AGPS: variants seen among roughly 807,000 people sequenced by gnomAD.
AGPS encodes the protein alkylglycerone phosphate synthase.
AGPS carries 26 observed loss-of-function variants against 90.7 expected under a neutral mutation model. That is an observed-to-expected ratio of 0.29 (90% CI 0.21 to 0.40). The LOEUF is 0.40. AGPS is among the 10% of genes least tolerant of loss of function. The pLI, the probability that AGPS is intolerant of heterozygous loss-of-function variation, is 1.00. For missense variants in AGPS, 540 were observed against 816.1 expected (o/e 0.66, Z 4.12); for synonymous variants, 294 against 285.3 (o/e 1.03, Z -0.31).
chr2:177,459,999 G>C (rs1015564615), intron 8 of AGPS, among the ~76,000 whole-genome samples: 1 of 152,206 alleles, frequency 6.6e-6, no homozygotes, highest in Non-Finnish European at 1.5e-5. Context: ...AAAAGGATGA[G>C]TTCATGTCCT....
At chr2:177,453,375 G>A (rs1687010473) in intron 8 of AGPS, among the ~76,000 whole-genome samples, 2 of 151,388 alleles carry the variant, frequency 1.3e-5, no homozygotes, top group African/African-American at 4.9e-5. Flanking sequence ...AGGTTCAAGC[G>A]ATTCTCCTGC....
intron 15 of AGPS, 126 bp downstream of exon 15, chr2:177,505,701 AT>A: frequency 1.2e-6 from 1 of 812,394 alleles, no homozygotes; most frequent in Non-Finnish European, 2.0e-6. Context: ...TTAGCATATC[AT>A]TTTACATGAA....
Position 177,540,862 on chromosome 2 carries a change from G to C in AGPS, c.*2667G>C, listed in dbSNP as rs571741614. On this transcript the variant is annotated 3_prime_UTR_variant, in exon 20 of 20. Transcript: ENST00000264167. ...AATACTAAAGACTCAATATGAACAG[G>C]CTTTATAGACCCTTAGAGAAACTGT... 7.9e-5 allele frequency: 12 copies of C among 152,098 alleles called. No homozygotes were observed. The South Asian group carries it at 8.3e-4, about 11-fold the overall frequency. The allele number at this position is 152,098 out of a possible 1,614,324, so 9.4% of individuals were successfully genotyped here.
chr2:177,443,771 T>C (rs1686684074), intron 7 of AGPS, among the ~76,000 whole-genome samples: 1 of 152,212 alleles, frequency 6.6e-6, no homozygotes, highest in Non-Finnish European at 1.5e-5. Context: ...AGAAGATAGC[T>C]GAAGAATAGC....
At position 177,493,349 on chromosome 2, in the gene AGPS, A is replaced by T; in HGVS notation, c.1285+150A>T. 4.0e-6 allele frequency: 3 copies of T among 741,574 alleles called. No individual in the cohort carries two copies. In the South Asian group the frequency reaches 4.4e-5, roughly 11 times the overall value. 45.9% of individuals were successfully genotyped at this position (741,574 alleles called of 1,614,324 possible). On this transcript the variant is annotated intron_variant, in intron 12 of 19. Coordinates refer to ENST00000264167, the MANE Select transcript of AGPS (RefSeq NM_003659.4). ...CTAATGAAGATAGACAATTACATAA[A>T]TGAGTGAGGGTAGCAGTGTTGGAGG...
At chr2:177,537,949 C>CA in intron 19 of AGPS, 125 bp from the exon 20 acceptor site, 1 of 1,372,882 alleles carries the variant, frequency 7.3e-7, no homozygotes, top group South Asian at 1.2e-5. Context: ...TCAAATAAAG[C>CA]AAAACATTTC....
intron 1 of AGPS, among the ~76,000 whole-genome samples, chr2:177,399,279 T>C (rs553916350): frequency 6.6e-6 from 1 of 152,356 alleles, no homozygotes; most frequent in East Asian, 1.9e-4. Flanking sequence ...TCTGCTGTTA[T>C]TCCGATTAGT....
intron 6 of AGPS, chr2:177,441,382 A>G (rs1346662622): frequency 4.8e-6 from 1 of 208,642 alleles, no homozygotes; most frequent in African/African-American, 2.4e-5. Flanking sequence ...TATGTCCTAT[A>G]TAAACCTTTG....
intron 14 of AGPS, 151 bp from the exon 15 acceptor site, chr2:177,505,355 A>T (rs1338533578): frequency 1.4e-6 from 1 of 703,510 alleles, no homozygotes; most frequent in Non-Finnish European, 2.4e-6. Flanking sequence ...TATTTCGTGG[A>T]TAAAAGTTTG....
intron 16 of AGPS, among the ~76,000 whole-genome samples, chr2:177,512,218 TAAAG>T (rs893531978): frequency 2.0e-5 from 3 of 151,974 alleles, no homozygotes; most frequent in African/African-American, 7.2e-5. Context: ...ATATTCAAAA[TAAAG>T]ACATATTAAA....
Position 177,414,938 on chromosome 2 carries a change from A to G in AGPS, c.261-5331A>G, listed in dbSNP as rs372116782. On this transcript the variant is annotated intron_variant, in intron 1 of 19. Coordinates refer to ENST00000264167, the MANE Select transcript of AGPS (RefSeq NM_003659.4). ...TGTGTGTGTATAATGTATATAATAT[A>G]CATATATGATGAATGCATTATAAAT... Among the ~76,000 whole-genome samples the G allele has an allele frequency of 4.2e-5, 6 of 141,934 alleles. No individual in the cohort carries two copies. In the East Asian group the frequency reaches 1.2e-3, roughly 28 times the overall value. The allele number at this position is 141,934 out of a possible 152,430, so 93.1% of individuals were successfully genotyped here. A position where few individuals can be genotyped will look rare whatever the true frequency, so the allele number is the denominator to read the frequency against.
rs993306315 is a variant in AGPS at position 177,513,839 on chromosome 2, A to G, written c.1628A>G (p.Asn543Ser). 7 of 1,612,546 alleles carry G rather than the reference A, an allele frequency of 4.3e-6. No homozygotes were observed. In the African/African-American group the frequency reaches 9.4e-5, roughly 22 times the overall value. Residue 543 changes from asparagine (N) to serine (S), a missense_variant, in exon 17 of 20, where the codon AAT becomes AGT. Asn to Ser is a conservative substitution (Grantham distance 46). Around this residue, in one of 2 missense-constraint regions of AGPS, gnomAD observed 405 missense variants for 692.1 expected, o/e 0.59. Coordinates refer to ENST00000264167, the MANE Select transcript of AGPS (RefSeq NM_003659.4). ...PWDRVVDLCR[N>S]VKERITRECK... ...TTTAGGGTGGTAGATCTCTGTAGAA[A>G]TGTAAAAGAAAGAATAACAAGGGAA... is the stretch of plus-strand genomic sequence containing the variant.
intron 15 of AGPS, among the ~76,000 whole-genome samples, chr2:177,507,039 C>G (rs889985842): frequency 1.3e-4 from 20 of 151,302 alleles, no homozygotes; most frequent in African/African-American, 4.6e-4. Context: ...ATTCCGCCCC[C>G]CCTACCCCGG....
chr2:177,443,410 T>A (rs1686672487), intron 7 of AGPS, among the ~76,000 whole-genome samples: 1 of 152,222 alleles, frequency 6.6e-6, no homozygotes, highest in Non-Finnish European at 1.5e-5. Context: ...CAAGGTTATT[T>A]GTAGTATAGA....
At chr2:177,528,028 T>A (rs2079105098) in intron 19 of AGPS, among the ~76,000 whole-genome samples, 1 of 152,220 alleles carries the variant, frequency 6.6e-6, no homozygotes, top group Non-Finnish European at 1.5e-5. Flanking sequence ...CTTTCCCTTT[T>A]CTATTTTTTT....
intron 8 of AGPS, among the ~76,000 whole-genome samples, chr2:177,448,470 C>T (rs1202194208): frequency 1.3e-5 from 2 of 152,130 alleles, no homozygotes; most frequent in Non-Finnish European, 2.9e-5. Context: ...TAATTGATAT[C>T]TCCACTTGCG....
intron 8 of AGPS, among the ~76,000 whole-genome samples, chr2:177,453,140 A>G (rs1383813418): frequency 6.6e-6 from 1 of 151,922 alleles, no homozygotes; most frequent in Non-Finnish European, 1.5e-5. Context: ...ATAATTGTAG[A>G]TTGATATTCT....
At position 177,499,674 on chromosome 2, in the gene AGPS, T is replaced by A; in HGVS notation, c.1419T>A (p.Asp473Glu). 1.9e-6 allele frequency: 3 copies of A among 1,612,322 alleles called. No individual in the cohort carries two copies. The South Asian group carries it at 3.3e-5, about 18-fold the overall frequency. ...TAGCCACATTACTGTTTGAGGGGGA[T>A]CGTGAGAAGGTTCTTCAACATGAAA... ...LSVATLLFEG[D>E]REKVLQHEKQ... Residue 473 changes from aspartate to glutamate, a missense_variant, in exon 14 of 20, where the codon GAT becomes GAA. Asp to Glu is a conservative substitution (Grantham distance 45). Transcript: ENST00000264167.
intron 15 of AGPS, among the ~76,000 whole-genome samples, chr2:177,507,506 A>C (rs1006708782): frequency 1.2e-4 from 18 of 152,150 alleles, no homozygotes; most frequent in South Asian, 2.1e-4. Context: ...TTTTAAAGAA[A>C]AGTTGATTTT....
Sources: gnomAD v4.1 joint callset for allele counts (sites outside exome capture counted in the v4.1 genomes callset) on GRCh38, gnomAD v4.1.1 for gene constraint, gnomAD v4.1.1 regional missense constraint, MANE v1.5 for transcripts, NCBI Gene and HGNC (gene_info 2026-07-23, HGNC 2026-07-21) for gene names.